Variants in SERPINF1 observed in about 807,000 individuals in gnomAD.
SERPINF1 encodes pigment epithelium-derived factor.
In SERPINF1, 29 loss-of-function variants were observed where a neutral mutation model predicts 37.3. The observed-to-expected ratio is 0.78, with a 90% CI of 0.58 to 1.06. SERPINF1 has a LOEUF of 1.06. Among genes scored for constraint, SERPINF1 ranks in the 50% least tolerant of loss-of-function variants. The pLI is 0.00. For missense variants in SERPINF1, 553 were observed against 532.2 expected (o/e 1.04, Z -0.38); for synonymous variants, 281 against 227.9 (o/e 1.23, Z -2.10).
intron 5 of SERPINF1, among the ~76,000 whole-genome samples, chr17:1,774,397 TGCTGGCCAG>T (rs2151211032): frequency 6.6e-6 from 1 of 152,304 alleles, no homozygotes; most frequent in African/African-American, 2.4e-5. Flanking sequence ...GGTTTCGCCA[TGCTGGCCAG>T]GCTGTTCTCG....
intron 6 of SERPINF1, among the ~76,000 whole-genome samples, chr17:1,775,594 G>A (rs1907980773): frequency 6.6e-6 from 1 of 150,740 alleles, no homozygotes; most frequent in Non-Finnish European, 1.5e-5. Context: ...CCAGGCTGGA[G>A]TGCAGTGGCA....
At chr17:1,776,380 A>C (rs991345687) in intron 6 of SERPINF1, 152 bp from the exon 7 acceptor site, 1 of 743,720 alleles carries the variant, frequency 1.3e-6, no homozygotes, top group Admixed American at 2.0e-5. Flanking sequence ...AGAAAGCTAT[A>C]ACCTGGAAGG....
intron 2 of SERPINF1, 160 bp from the exon 3 acceptor site, chr17:1,769,692 G>T: frequency 1.3e-6 from 1 of 750,654 alleles, no homozygotes; most frequent in Non-Finnish European, 2.4e-6. Flanking sequence ...CGTGATCAGG[G>T]AGTAAAACTC....
intron 1 of SERPINF1, among the ~76,000 whole-genome samples, chr17:1,764,906 C>T (rs1185131145): frequency 2.8e-5 from 4 of 144,556 alleles, no homozygotes; most frequent in Non-Finnish European, 6.0e-5. Flanking sequence ...TGCAGTGGCG[C>T]GATCTCAGCT....
In SERPINF1 at chr17:1,776,529, C is replaced by T. The variant is rs1908037425; in HGVS notation, c.787-3C>T. Reference sequence around the variant, plus strand: ...TAACCACATGCTTTCTCACTTGTCTCAGATTGCCCAGCTGCCCTTGACCGG... The same window carrying T: ...TAACCACATGCTTTCTCACTTGTCTTAGATTGCCCAGCTGCCCTTGACCGG... On this transcript the variant is annotated splice_region_variant and splice_polypyrimidine_tract_variant and intron_variant, in intron 6 of 7. Transcript: ENST00000254722. 1 of 1,613,846 alleles carries T rather than the reference C, an allele frequency of 6.2e-7. No homozygotes were observed. Among genetic ancestry groups the T allele is most frequent in the African/African-American group, 1.3e-5 (1 of 74,888 alleles).
At chr17:1,769,623 CAAAT>C (rs970713014) in intron 2 of SERPINF1, 4 of 584,916 alleles carry the variant, frequency 6.8e-6, no homozygotes, top group African/African-American at 1.9e-5. Flanking sequence ...GACTCTGTCT[CAAAT>C]AAAAAAAAAA....
intron 2 of SERPINF1, 113 bp from the exon 3 acceptor site, chr17:1,769,739 G>A: frequency 8.6e-7 from 1 of 1,167,058 alleles, no homozygotes; most frequent in Non-Finnish European, 1.3e-6. Context: ...AAATTAGGAA[G>A]GACAGCCCCA....
At position 1,771,966 on chromosome 17, in the gene SERPINF1, A is replaced by G. The variant is rs2151209062; in HGVS notation, c.534A>G (p.Gln178=). Residue 178 remains glutamine, a synonymous_variant, in exon 5 of 8, where the codon CAA becomes CAG. Transcript: ENST00000254722. The part of the protein sequence containing the change: ...VLTGNPRLDL[Q]EINNWVQAQM... ...CGGGCAACCCTCGCTTGGACCTGCA[A>G]GAGATCAACAACTGGGTGCAGGCGC... 1 of 1,611,886 alleles carries G rather than the reference A, an allele frequency of 6.2e-7. No individual in the cohort carries two copies. Among genetic ancestry groups the G allele is most frequent in the Non-Finnish European group, 8.5e-7 (1 of 1,178,086 alleles).
At chr17:1,773,461 T>C (rs575478682) in intron 5 of SERPINF1, among the ~76,000 whole-genome samples, 195 of 152,082 alleles carry the variant, frequency 1.3e-3, no homozygotes, top group African/African-American at 4.5e-3. Context: ...GGCCAGGCTG[T>C]TCTCGAAAAC....
rs753554564 is a variant in SERPINF1 at position 1,777,418 on chromosome 17, G to A, written c.1229G>A (p.Gly410Asp). Residue 410 changes from glycine (G) to aspartate (D), a missense_variant, in exon 8 of 8, where the codon GGC (glycine) becomes GAC (aspartate). By Grantham distance (94) the Gly-to-Asp change is moderately conservative (BLOSUM62 -1). Coordinates refer to ENST00000254722, the MANE Select transcript of SERPINF1 (RefSeq NM_002615.7). ...DTDTGALLFIGKILDPRGP is the reference protein window; with the variant it reads ...DTDTGALLFIDKILDPRGP ...GACACAGGGGCCCTTCTCTTCATTGGCAAGATTCTGGACCCCAGGGGCCCC... is the reference window on the plus strand; with the variant it reads ...GACACAGGGGCCCTTCTCTTCATTGACAAGATTCTGGACCCCAGGGGCCCC... The A allele has an allele frequency of 6.2e-7, 1 of 1,614,072 alleles. No homozygotes were observed. The highest frequency in any genetic ancestry group is 1.7e-5 in the Admixed American group (1 of 60,010).
At chr17:1,765,551 ACCTCAGGCTATCCGCCTG>A (rs1907322665) in intron 1 of SERPINF1, among the ~76,000 whole-genome samples, 1 of 151,650 alleles carries the variant, frequency 6.6e-6, no homozygotes, top group Admixed American at 6.6e-5. Flanking sequence ...CGAACTCCTG[ACCTCAGGCTATCCGCCTG>A]CCTCAGCCTC....
In SERPINF1 at chr17:1,766,991, G is replaced by A. The variant is rs1347097279; in HGVS notation, c.81G>A (p.Glu27=). The change falls in exon 2 of 8, where the codon GAG becomes GAA. Residue 27 remains glutamate, a synonymous_variant. Coordinates refer to ENST00000254722, the MANE Select transcript of SERPINF1 (RefSeq NM_002615.7). ...GCCAGAACCCTGCCAGCCCCCCGGA[G>A]GAGGTCAGTAGGCAGGCGGGGAGGG... ...SSCQNPASPP[E]EGSPDPDSTG... is the part of the protein sequence containing the mutation. 3.9e-6 allele frequency: 6 copies of A among 1,553,348 alleles called. No individual in the cohort carries two copies. The East Asian group carries it at 1.5e-4, about 38-fold the overall frequency.
chr17:1,774,714 G>A (rs1246138134), intron 5 of SERPINF1, among the ~76,000 whole-genome samples: 1 of 152,122 alleles, frequency 6.6e-6, no homozygotes, highest in Admixed American at 6.5e-5. Flanking sequence ...CACCCACCCC[G>A]GCCTCCCAAT....
At chr17:1,772,837 C>T (rs948434755) in intron 5 of SERPINF1, among the ~76,000 whole-genome samples, 29 of 152,146 alleles carry the variant, frequency 1.9e-4, no homozygotes, top group South Asian at 2.1e-4. Context: ...TGAGCCACTG[C>T]GCCCGGCCCT....
At chr17:1,775,398 C>G (rs960197254) in intron 6 of SERPINF1, among the ~76,000 whole-genome samples, 198 bp downstream of exon 6, 1 of 152,110 alleles carries the variant, frequency 6.6e-6, no homozygotes, top group Non-Finnish European at 1.5e-5. Context: ...CCAACACTTA[C>G]CCTCCCAGGG....
chr17:1,772,570 A>T (rs1441660083), intron 5 of SERPINF1, among the ~76,000 whole-genome samples: 3 of 147,398 alleles, frequency 2.0e-5, no homozygotes, highest in Non-Finnish European at 4.5e-5. Context: ...TTATTTATTT[A>T]TTTTTTGAGA....
Position 1,777,440 on chromosome 17 carries a change from C to A in SERPINF1, c.1251C>A (p.Gly417=). Residue 417 remains glycine (G), a synonymous_variant, in exon 8 of 8, where the codon GGC becomes GGA. Transcript: ENST00000254722. ...TTGGCAAGATTCTGGACCCCAGGGGCCCCTAATATCCCAGTTTAATATTCC... is the reference window on the plus strand; with the variant it reads ...TTGGCAAGATTCTGGACCCCAGGGGACCCTAATATCCCAGTTTAATATTCC... ...LFIGKILDPR[G]P 1.2e-6 allele frequency: 2 copies of A among 1,614,108 alleles called. No individual in the cohort carries two copies. Among genetic ancestry groups the A allele is most frequent in the Non-Finnish European group, 1.7e-6 (2 of 1,180,032 alleles).
In SERPINF1 at chr17:1,776,581, C is replaced by A; in HGVS notation, c.836C>A (p.Pro279His). The stretch of plus-strand genomic sequence containing the variant: ...AGCATGAGTATCATCTTCTTCCTGC[C>A]CCTGAAAGTGACCCAGAATTTGACC... ...TGSMSIIFFL[P>H]LKVTQNLTLI... is the part of the protein sequence containing the mutation. Residue 279 changes from proline (P) to histidine (H), a missense_variant, in exon 7 of 8, where the codon CCC (proline) becomes CAC (histidine). By Grantham distance (77) the Pro-to-His change is moderately conservative. Coordinates refer to ENST00000254722, the MANE Select transcript of SERPINF1 (RefSeq NM_002615.7). 6.2e-7 allele frequency: 1 copy of A among 1,614,022 alleles called. No individual in the cohort carries two copies. The highest frequency in any genetic ancestry group is 2.2e-5 in the East Asian group (1 of 44,846).
chr17:1,776,611 T>TA lies in SERPINF1; in HGVS notation c.867dup (p.Glu290ArgfsTer11). On this transcript the variant is annotated frameshift_variant, in exon 7 of 8. Transcript: ENST00000254722. LOFTEE classifies it high-confidence loss of function. ...AAAGTGACCCAGAATTTGACCTTGA[T>TA]AGAGGAGAGCCTCACCTCCGAGTTC... is the stretch of plus-strand genomic sequence containing the variant. 1 of 1,614,000 alleles carries TA rather than the reference T, an allele frequency of 6.2e-7. No homozygotes were observed. Among genetic ancestry groups the TA allele is most frequent in the Non-Finnish European group, 8.5e-7 (1 of 1,180,014 alleles).
Sources: allele counts gnomAD v4.1 joint callset (sites outside exome capture counted in the v4.1 genomes callset), GRCh38; gene constraint gnomAD v4.1.1; transcripts MANE v1.5; gene names NCBI Gene and HGNC (gene_info 2026-07-23, HGNC 2026-07-21).